Variants in CFDP1 observed in about 807,000 individuals in gnomAD.
The protein encoded by CFDP1 is heterochromatin-stabilizing protein CFDP1.
CFDP1 carries 31 observed loss-of-function variants against 40.1 expected under a neutral mutation model. The ratio of observed to expected loss-of-function variants is 0.77; its 90% CI spans 0.58 to 1.04. The LOEUF (loss-of-function observed/expected upper bound fraction) is 1.04. CFDP1 is among the 50% of genes least tolerant of loss of function. The probability of loss-of-function intolerance (pLI) is 0.00; values close to 1 mark genes in which losing one functional copy is unlikely to be tolerated. For synonymous variants in CFDP1, 167 were observed against 120.0 expected, an observed-to-expected ratio of 1.39 and a Z score of -2.56; for missense variants, 423 against 343.4, an observed-to-expected ratio of 1.23 and a Z score of -1.83.
chr16:75,360,612 T>C (rs2078674405), intron 5 of CFDP1, among the ~76,000 whole-genome samples: 1 of 152,214 alleles, frequency 6.6e-6, no homozygotes, highest in South Asian at 2.1e-4. Context: ...AACTTTCCTG[T>C]GGCTGAATAA....
chr16:75,341,620 G>A (rs1001151847), intron 5 of CFDP1, among the ~76,000 whole-genome samples: 1 of 151,762 alleles, frequency 6.6e-6, no homozygotes, highest in African/African-American at 2.4e-5. Flanking sequence ...ATTTGGGAAG[G>A]CTTCTTTGAC....
intron 5 of CFDP1, among the ~76,000 whole-genome samples, chr16:75,373,923 A>C (rs991037800): frequency 6.6e-6 from 1 of 152,222 alleles, no homozygotes; most frequent in African/African-American, 2.4e-5. Context: ...AAAATGATAA[A>C]AAACCTAAAT....
chr16:75,336,591 T>C (rs1457854194), intron 5 of CFDP1, among the ~76,000 whole-genome samples: 1 of 152,262 alleles, frequency 6.6e-6, no homozygotes, highest in Non-Finnish European at 1.5e-5. Context: ...ATTCTGCTCC[T>C]AGCTTTTTCA....
intron 5 of CFDP1, among the ~76,000 whole-genome samples, chr16:75,327,786 C>T (rs866366650): frequency 4.6e-5 from 7 of 152,162 alleles, no homozygotes; most frequent in South Asian, 2.1e-4. Flanking sequence ...TGCAATGGCG[C>T]GTTCTTGGCT....
chr16:75,307,974 T>A (rs2078269900), intron 5 of CFDP1, among the ~76,000 whole-genome samples: 1 of 152,256 alleles, frequency 6.6e-6, no homozygotes, highest in Non-Finnish European at 1.5e-5. Flanking sequence ...ACTGATCTTT[T>A]CTTTAGATGC....
chr16:75,325,554 T>C (rs1266443134), intron 5 of CFDP1, among the ~76,000 whole-genome samples: 2 of 152,238 alleles, frequency 1.3e-5, no homozygotes, highest in South Asian at 2.1e-4. Context: ...CCATAATTTA[T>C]TTGTTATGTT....
At chr16:75,374,264 A>T (rs549641021) in intron 5 of CFDP1, among the ~76,000 whole-genome samples, 140 of 152,236 alleles carry the variant, frequency 9.2e-4, no homozygotes, top group African/African-American at 3.4e-3. Flanking sequence ...TAAATTATAG[A>T]ATATTCAAAG....
intron 4 of CFDP1, among the ~76,000 whole-genome samples, chr16:75,397,519 C>A (rs1029796560): frequency 6.0e-5 from 9 of 150,256 alleles, no homozygotes; most frequent in African/African-American, 2.2e-4. Context: ...AAGAAAACAA[C>A]AGGCCGGGGG....
chr16:75,415,548 AAC>A (rs2079195751), intron 1 of CFDP1, among the ~76,000 whole-genome samples: 1 of 152,166 alleles, frequency 6.6e-6, no homozygotes, highest in South Asian at 2.1e-4. Flanking sequence ...CCCTAAAGGG[AAC>A]CAATATCCTG....
At chr16:75,299,956 G>A (rs1299726681) in intron 6 of CFDP1, among the ~76,000 whole-genome samples, 1 of 152,132 alleles carries the variant, frequency 6.6e-6, no homozygotes, top group Non-Finnish European at 1.5e-5. Context: ...AGTGAGGCTG[G>A]GCTGCAGCGA....
chr16:75,414,841 A>G, intron 1 of CFDP1, 146 bp from the exon 2 acceptor site: 1 of 613,654 alleles, frequency 1.6e-6, no homozygotes. Context: ...CGAAAACATC[A>G]TTTCCTTGGG....
chr16:75,297,313 C>T (rs1189569369), intron 6 of CFDP1, among the ~76,000 whole-genome samples: 2 of 152,136 alleles, frequency 1.3e-5, no homozygotes, highest in Non-Finnish European at 2.9e-5. Context: ...AGCCACTCTG[C>T]CCGGTCTTGC....
intron 5 of CFDP1, among the ~76,000 whole-genome samples, chr16:75,341,967 G>A (rs1015576281): frequency 2.6e-5 from 4 of 152,032 alleles, no homozygotes; most frequent in Non-Finnish European, 5.9e-5. Flanking sequence ...AGGTCCCTGT[G>A]GTCTCTTTCT....
intron 5 of CFDP1, chr16:75,305,407 G>T: frequency 3.9e-6 from 2 of 507,860 alleles, no homozygotes; most frequent in South Asian, 5.1e-5. Flanking sequence ...CCTGAGCTAC[G>T]AACAGGAAAT....
At chr16:75,295,155 G>A (rs1444920936) in intron 6 of CFDP1, among the ~76,000 whole-genome samples, 1 of 152,238 alleles carries the variant, frequency 6.6e-6, no homozygotes, top group Non-Finnish European at 1.5e-5. Flanking sequence ...ACCAGGTTCA[G>A]AAACCTGTGT....
intron 5 of CFDP1, among the ~76,000 whole-genome samples, chr16:75,355,102 T>C (rs1457238793): frequency 6.6e-6 from 1 of 152,260 alleles, no homozygotes; most frequent in Non-Finnish European, 1.5e-5. Flanking sequence ...ATCTTCATTT[T>C]AAAATATTGC....
At chr16:75,323,295 T>C (rs1250621686) in intron 5 of CFDP1, among the ~76,000 whole-genome samples, 1 of 151,960 alleles carries the variant, frequency 6.6e-6, no homozygotes, top group Non-Finnish European at 1.5e-5. Context: ...ATCATCAATA[T>C]CACTGTCTTT....
rs142130488 is a variant in CFDP1, at chr16:75,431,371, G to A, written c.64+1918C>T. Among the ~76,000 whole-genome samples, 509 of 136,270 alleles carry A rather than the reference G, an allele frequency of 3.7e-3. 3 individuals carry two copies. The highest frequency in any genetic ancestry group is 0.013 in the African/African-American group (504 of 37,514). The allele number at this position is 136,270 out of a possible 152,430, so 89.4% of individuals were successfully genotyped here. A position where few individuals can be genotyped will look rare whatever the true frequency, so the allele number is the denominator to read the frequency against. ...CAGGAGGCTGAGGCAAGAGAATGGCGTGAACCCGGGAGGCAGAGCTTGCAG... is the reference window on the plus strand; with the variant it reads ...CAGGAGGCTGAGGCAAGAGAATGGCATGAACCCGGGAGGCAGAGCTTGCAG... On this transcript the variant is annotated intron_variant, in intron 1 of 6. Coordinates refer to ENST00000283882, the MANE Select transcript of CFDP1 (RefSeq NM_006324.3).
At chr16:75,330,351 C>G (rs2078436786) in intron 5 of CFDP1, among the ~76,000 whole-genome samples, 1 of 152,180 alleles carries the variant, frequency 6.6e-6, no homozygotes, top group African/African-American at 2.4e-5. Flanking sequence ...CTTTGGGAGG[C>G]CAAGGCAGGT....
Sources: gnomAD v4.1 joint callset for allele counts (sites outside exome capture counted in the v4.1 genomes callset) on GRCh38, gnomAD v4.1.1 for gene constraint, MANE v1.5 for transcripts, NCBI Gene and HGNC (gene_info 2026-07-23, HGNC 2026-07-21) for gene names.